Variants in MOGAT3 observed in about 807,000 individuals in gnomAD.
MOGAT3 encodes the protein 2-acylglycerol O-acyltransferase 3.
Under a neutral mutation model 34.4 loss-of-function variants are expected in MOGAT3, and 39 were observed. The observed-to-expected ratio is 1.13, with a 90% CI of 0.88 to 1.48. The LOEUF is 1.48. MOGAT3 is among the 40% of genes most tolerant of loss of function. The probability of loss-of-function intolerance (pLI) is 0.00; values close to 1 mark genes in which losing one functional copy is unlikely to be tolerated. For synonymous variants in MOGAT3, 209 were observed against 179.2 expected, an observed-to-expected ratio of 1.17 and a Z score of -1.33; for missense variants, 439 against 438.9, an observed-to-expected ratio of 1.00 and a Z score of 0.00.
chr7:101,194,737 G>A (rs1282267961), downstream of MOGAT3, among the ~76,000 whole-genome samples: 2 of 151,854 alleles, frequency 1.3e-5, no homozygotes, highest in African/African-American at 4.8e-5. Flanking sequence ...TCCTGACCTC[G>A]TGATCCGCCC....
intron 1 of MOGAT3, 26 bp from the exon 2 acceptor site, chr7:101,200,541 A>G: frequency 6.5e-7 from 1 of 1,530,296 alleles, no homozygotes; most frequent in Non-Finnish European, 8.9e-7. Flanking sequence ...GAAAGAAAAG[A>G]GTTCACTTCT....
At chr7:101,193,731 A>T (rs1271433849), downstream of MOGAT3, among the ~76,000 whole-genome samples, 1 of 152,196 alleles carries the variant, frequency 6.6e-6, no homozygotes, top group East Asian at 1.9e-4. Context: ...CCTGGCCTGA[A>T]CGAAACATTT....
In MOGAT3 at chr7:101,200,517, T is replaced by C; in HGVS notation, c.110-2A>G. The C allele has an allele frequency of 6.3e-7, 1 of 1,579,280 alleles. No homozygotes were observed. The highest frequency in any genetic ancestry group is 1.3e-5 in the African/African-American group (1 of 74,092). On this transcript the variant is annotated splice_acceptor_variant, in intron 1 of 6. Transcript: ENST00000223114. LOFTEE classifies it high-confidence loss of function. ...AGACAAGAAGGGAGAAGAAAGGGCC[T>C]GGGGGAAGGGAGAGAAAGAAAAGAG... is the stretch of plus-strand genomic sequence containing the variant.
At chr7:101,198,426 A>C in intron 4 of MOGAT3, 61 bp from the exon 5 acceptor site, 1 of 1,477,652 alleles carries the variant, frequency 6.8e-7, no homozygotes. Context: ...CCCGCCCCTC[A>C]CCCAGCCTTT....
rs775587514 is a variant in MOGAT3, at chr7:101,200,477, T to C, written c.148A>G (p.Thr50Ala). 4 of 1,605,292 alleles carry C rather than the reference T, an allele frequency of 2.5e-6. No homozygotes were observed. Among genetic ancestry groups the C allele is most frequent in the South Asian group, 2.2e-5 (2 of 90,360 alleles). ...AAAACAGAGAAGGGCCAGAGTGACGTGAAGAGGAGGACAAAGACAAGAAGG... is the reference window on the plus strand; with the variant it reads ...AAAACAGAGAAGGGCCAGAGTGACGCGAAGAGGAGGACAAAGACAAGAAGG... ...FSLLVFVLLF[T>A]SLWPFSVFYL... The change falls in exon 2 of 7, where the codon ACG becomes GCG. Residue 50 changes from threonine to alanine, a missense_variant. Coordinates refer to ENST00000223114, the MANE Select transcript of MOGAT3 (RefSeq NM_178176.4).
chr7:101,195,752 T>C lies in MOGAT3; in HGVS notation c.*194A>G, dbSNP rs964574081. 3.3e-6 allele frequency: 2 copies of C among 598,756 alleles called. No individual in the cohort carries two copies. Among genetic ancestry groups the C allele is most frequent in the Non-Finnish European group, 5.9e-6 (2 of 340,234 alleles). The allele number at this position is 598,756 out of a possible 1,614,324, so 37.1% of individuals were successfully genotyped here. On this transcript the variant is annotated 3_prime_UTR_variant, in exon 7 of 7. Coordinates refer to ENST00000223114, the MANE Select transcript of MOGAT3 (RefSeq NM_178176.4). ...AATTTTTGTAGAAATGAAGTCTCAC[T>C]GTGTTGCCCAGGCTGGTCTTCAACT...
chr7:101,200,363 T>C, intron 2 of MOGAT3, 45 bp downstream of exon 2: 6 of 1,539,576 alleles, frequency 3.9e-6, no homozygotes, highest in Non-Finnish European at 4.5e-6. Context: ...TCACCCCCCA[T>C]GTCCCCACCA....
rs1797856067 is a variant in MOGAT3 at position 101,198,338 on chromosome 7, AGGCTCT to A, written c.515_520del (p.Gln172_Ser173del). ...CTGGGGCTGGGACAGGATGAAGTCC[AGGCTCT>A]GGCGGCTCACCGGACAGAGTCCTGT... On this transcript the variant is annotated inframe_deletion, in exon 5 of 7. Coordinates refer to ENST00000223114, the MANE Select transcript of MOGAT3 (RefSeq NM_178176.4). 1.3e-6 allele frequency: 2 copies of A among 1,565,920 alleles called. No homozygotes were observed. The highest frequency in any genetic ancestry group is 1.9e-5 in the Admixed American group (1 of 53,100).
chr7:101,196,209 A>C lies in MOGAT3; in HGVS notation c.849T>G (p.Phe283Leu), dbSNP rs887937027. ...FSATSWGLLPFAVPITTVVGR... is the reference protein window; with the variant it reads ...FSATSWGLLPLAVPITTVVGR... ...CACCCACAGTGGTGATGGGCACAGCAAAGGGCAGCAGGCCCCAGGAGGTGG... is the reference window on the plus strand; with the variant it reads ...CACCCACAGTGGTGATGGGCACAGCCAAGGGCAGCAGGCCCCAGGAGGTGG... Residue 283 changes from phenylalanine (F) to leucine (L), a missense_variant, in exon 6 of 7, where the codon TTT (phenylalanine) becomes TTG (leucine). By Grantham distance (22) the Phe-to-Leu change is conservative (BLOSUM62 0). Coordinates refer to ENST00000223114, the MANE Select transcript of MOGAT3 (RefSeq NM_178176.4). 6 of 1,581,140 alleles carry C rather than the reference A, an allele frequency of 3.8e-6. No individual in the cohort carries two copies. In the African/African-American group the frequency reaches 6.7e-5, roughly 18 times the overall value.
At position 101,198,170 on chromosome 7, in the gene MOGAT3, AG is replaced by A; in HGVS notation, c.668+20del. The A allele has an allele frequency of 1.9e-6, 3 of 1,597,960 alleles. No individual in the cohort carries two copies. Among genetic ancestry groups the A allele is most frequent in the African/African-American group, 1.3e-5 (1 of 74,598 alleles). Reference sequence around the variant, plus strand: ...ATAAACCAGCAGAGAACTGACAGGTAGGGCCTGCACGCGCACTCACCCGTGC... The same window carrying A: ...ATAAACCAGCAGAGAACTGACAGGTAGGCCTGCACGCGCACTCACCCGTGC... On this transcript the variant is annotated intron_variant, in intron 5 of 6. Transcript: ENST00000223114.
At position 101,196,214 on chromosome 7, in the gene MOGAT3, G is replaced by T. The variant is rs1352711336; in HGVS notation, c.844C>A (p.Pro282Thr). 3 of 1,583,126 alleles carry T rather than the reference G, an allele frequency of 1.9e-6. No homozygotes were observed. The African/African-American group carries it at 4.0e-5, about 21-fold the overall frequency. Residue 282 changes from proline (P) to threonine (T), a missense_variant, in exon 6 of 7, where the codon CCC becomes ACC. Coordinates refer to ENST00000223114, the MANE Select transcript of MOGAT3 (RefSeq NM_178176.4). ...ACAGTGGTGATGGGCACAGCAAAGGGCAGCAGGCCCCAGGAGGTGGCTGAG... is the reference window on the plus strand; with the variant it reads ...ACAGTGGTGATGGGCACAGCAAAGGTCAGCAGGCCCCAGGAGGTGGCTGAG... Reference protein sequence around the residue: ...LFSATSWGLLPFAVPITTVVG... With the variant: ...LFSATSWGLLTFAVPITTVVG...
At position 101,195,812 on chromosome 7, in the gene MOGAT3, C is replaced by T. The variant is rs1797760160; in HGVS notation, c.*134G>A. 1 of 1,016,876 alleles carries T rather than the reference C, an allele frequency of 9.8e-7. No individual in the cohort carries two copies. The allele number at this position is 1,016,876 out of a possible 1,614,324, so 63.0% of individuals were successfully genotyped here. Reference sequence around the variant, plus strand: ...AAACGATCCTCCCACCTTGGCCTCCCAAAGTGCTGGGATTACAGGCATGAG... The same window carrying T: ...AAACGATCCTCCCACCTTGGCCTCCTAAAGTGCTGGGATTACAGGCATGAG... On this transcript the variant is annotated 3_prime_UTR_variant, in exon 7 of 7. Transcript: ENST00000223114.
chr7:101,196,881 G>A (rs1270348159), intron 5 of MOGAT3, among the ~76,000 whole-genome samples: 1 of 147,286 alleles, frequency 6.8e-6, no homozygotes, highest in Non-Finnish European at 1.5e-5. Flanking sequence ...AAAATAAATA[G>A]GCTGGGTGCG....
At position 101,198,357 on chromosome 7, in the gene MOGAT3, G is replaced by A; in HGVS notation, c.502C>T (p.Pro168Ser). 6.4e-7 allele frequency: 1 copy of A among 1,551,050 alleles called. No individual in the cohort carries two copies. The highest frequency in any genetic ancestry group is 8.7e-7 in the Non-Finnish European group (1 of 1,146,438). ...RDYIMSFGLCPVSRQSLDFIL... is the reference protein window; with the variant it reads ...RDYIMSFGLCSVSRQSLDFIL... Reference sequence around the variant, plus strand: ...AAGTCCAGGCTCTGGCGGCTCACCGGACAGAGTCCTGTGGGCAGGAGGAGG... The same window carrying A: ...AAGTCCAGGCTCTGGCGGCTCACCGAACAGAGTCCTGTGGGCAGGAGGAGG... Residue 168 changes from proline (P) to serine (S), a missense_variant, in exon 5 of 7, where the codon CCG (proline) becomes TCG (serine). By Grantham distance (74) the Pro-to-Ser change is moderately conservative (BLOSUM62 -1). Transcript: ENST00000223114.
chr7:101,196,712 CAT>C (rs1797800504), intron 5 of MOGAT3, among the ~76,000 whole-genome samples: 1 of 151,748 alleles, frequency 6.6e-6, no homozygotes, highest in Non-Finnish European at 1.5e-5. Flanking sequence ...TCTGCAAAAA[CAT>C]AAAAATTAGC....
At chr7:101,200,358 C>G in intron 2 of MOGAT3, 50 bp downstream of exon 2, 2 of 1,610,352 alleles carry the variant, frequency 1.2e-6, no homozygotes, top group Non-Finnish European at 1.7e-6. Flanking sequence ...TCCCCTCACC[C>G]CCCATGTCCC....
chr7:101,195,972 CG>C lies in MOGAT3; in HGVS notation c.999del (p.Ala334LeufsTer19), dbSNP rs758551772. The C allele has an allele frequency of 1.2e-6, 2 of 1,614,148 alleles. No homozygotes were observed. Among genetic ancestry groups the C allele is most frequent in the Admixed American group, 3.3e-5 (2 of 60,012 alleles). On this transcript the variant is annotated frameshift_variant, in exon 7 of 7. Coordinates refer to ENST00000223114, the MANE Select transcript of MOGAT3 (RefSeq NM_178176.4). LOFTEE classifies it high-confidence loss of function. ...TAGATGAAGGTGAGGCAGGTGGAAG[CG>C]GGGACCCCACAGCTTTCCTTGTGCT... ...FEEHKESCGV[P>X]ASTCLTFI
At position 101,198,618 on chromosome 7, in the gene MOGAT3, C is replaced by G. The variant is rs759250229; in HGVS notation, c.493+8G>C. 1 of 1,611,630 alleles carries G rather than the reference C, an allele frequency of 6.2e-7. No individual in the cohort carries two copies. The highest frequency in any genetic ancestry group is 8.5e-7 in the Non-Finnish European group (1 of 1,179,498). The stretch of plus-strand genomic sequence containing the variant: ...CTCCTCCCGTTCTCCTCCTCCCATT[C>G]GGCTCACCAAAGGACATGATGTAGT... On this transcript the variant is annotated splice_region_variant and intron_variant, in intron 4 of 6. Transcript: ENST00000223114.
At position 101,200,186 on chromosome 7, in the gene MOGAT3, G is replaced by A. The variant is rs757409935; in HGVS notation, c.288+48C>T. On this transcript the variant is annotated intron_variant, in intron 3 of 6. Coordinates refer to ENST00000223114, the MANE Select transcript of MOGAT3 (RefSeq NM_178176.4). Reference sequence around the variant, plus strand: ...AGGAAGGGCTCCTAGGTGTGGGAGGGAGATGGGGAGAGGTAGGAAGCAGTT... The same window carrying A: ...AGGAAGGGCTCCTAGGTGTGGGAGGAAGATGGGGAGAGGTAGGAAGCAGTT... 19 of 1,498,522 alleles carry A rather than the reference G, an allele frequency of 1.3e-5. No homozygotes were observed. The Admixed American group carries it at 3.2e-4, about 25-fold the overall frequency. 92.8% of individuals were successfully genotyped at this position (1,498,522 alleles called of 1,614,324 possible).
Sources: allele counts gnomAD v4.1 joint callset (sites outside exome capture counted in the v4.1 genomes callset), GRCh38; gene constraint gnomAD v4.1.1; transcripts MANE v1.5; gene names NCBI Gene and HGNC (gene_info 2026-07-23, HGNC 2026-07-21).